PIK3CD: variants seen among roughly 807,000 people sequenced by gnomAD.
The protein encoded by PIK3CD is phosphatidylinositol-4,5-bisphosphate 3-kinase catalytic subunit delta, also known as phosphatidylinositol 4,5-bisphosphate 3-kinase catalytic subunit delta isoform.
In PIK3CD, 20 loss-of-function variants were observed where a neutral mutation model predicts 122.9. The observed-to-expected ratio is 0.16, with a 90% CI of 0.11 to 0.24. PIK3CD has a LOEUF of 0.24. Among genes scored for constraint, PIK3CD ranks in the 10% least tolerant of loss-of-function variants. The pLI is 1.00. For synonymous variants in PIK3CD, 596 were observed against 593.4 expected, an observed-to-expected ratio of 1.00 and a Z score of -0.06; for missense variants, 787 against 1,406.3, an observed-to-expected ratio of 0.56 and a Z score of 7.04.
intron 1 of PIK3CD, among the ~76,000 whole-genome samples, chr1:9,658,712 TAG>T (rs1164850923): frequency 6.6e-6 from 1 of 152,004 alleles, no homozygotes; most frequent in African/African-American, 2.4e-5. Context: ...GTATTTTTAG[TAG>T]AGACAGGGTT....
intron 1 of PIK3CD, among the ~76,000 whole-genome samples, chr1:9,682,991 G>C (rs536220894): frequency 1.3e-5 from 2 of 151,674 alleles, no homozygotes; most frequent in Non-Finnish European, 2.9e-5. Context: ...CCAGTGCCAT[G>C]GTGGGACGTG....
chr1:9,705,329 A>G (rs1339969738), intron 2 of PIK3CD, among the ~76,000 whole-genome samples: 2 of 150,646 alleles, frequency 1.3e-5, no homozygotes, highest in African/African-American at 4.9e-5. Context: ...ATACCAAAAA[A>G]AAAAAAAAAA....
In PIK3CD at chr1:9,710,666, C is replaced by T. The variant is rs1647012416; in HGVS notation, c.141+70C>T. On this transcript the variant is annotated intron_variant, in intron 3 of 23. Coordinates refer to ENST00000377346, the MANE Select transcript of PIK3CD (RefSeq NM_005026.5). The surrounding 1 kb of genome is among the most constrained non-coding windows in gnomAD (Gnocchi z 4.7). ...AGAGAGAGAGAGAGACACAGATAGACAGACAGACAGACAGACAGATGGACA... is the reference window on the plus strand; with the variant it reads ...AGAGAGAGAGAGAGACACAGATAGATAGACAGACAGACAGACAGATGGACA... 12 of 1,304,056 alleles carry T rather than the reference C, an allele frequency of 9.2e-6. No homozygotes were observed. Among genetic ancestry groups the T allele is most frequent in the Non-Finnish European group, 8.4e-6 (8 of 949,086 alleles). 80.8% of individuals were successfully genotyped at this position (1,304,056 alleles called of 1,614,324 possible). A position where few individuals can be genotyped will look rare whatever the true frequency, so the allele number is the denominator to read the frequency against.
intron 3 of PIK3CD, among the ~76,000 whole-genome samples, chr1:9,713,331 AC>A (rs1647131343): frequency 6.6e-6 from 1 of 152,154 alleles, no homozygotes; most frequent in African/African-American, 2.4e-5. Context: ...ACAGAGTGAA[AC>A]CCCGTCTGTA....
rs1183396054 is a variant in PIK3CD, at chr1:9,715,096, G to C, written c.142-445G>C. 1.3e-5 allele frequency among the ~76,000 whole-genome samples: 2 copies of C among 152,186 alleles called. No individual in the cohort carries two copies. Among genetic ancestry groups the C allele is most frequent in the Non-Finnish European group, 2.9e-5 (2 of 68,032 alleles). On this transcript the variant is annotated intron_variant, in intron 3 of 23. Coordinates refer to ENST00000377346, the MANE Select transcript of PIK3CD (RefSeq NM_005026.5). This position sits in a 1 kb window ranked among gnomAD's most constrained non-coding sequence, Gnocchi z 4.1. ...GGAGGCTGAGGCAAGAGAATCACTT[G>C]AACCTGGGAAGCAGAGGTTGCAGTG...
Position 9,710,468 on chromosome 1 carries a change from G to T in PIK3CD, c.13G>T (p.Val5Leu). MPPG[V>L]DCPMEFWTKE... Reference sequence around the variant, plus strand: ...GTAACAACGCAGGATGCCCCCTGGGGTGGACTGCCCCATGGAATTCTGGAC... The same window carrying T: ...GTAACAACGCAGGATGCCCCCTGGGTTGGACTGCCCCATGGAATTCTGGAC... Residue 5 changes from valine (V) to leucine (L), a missense_variant, in exon 3 of 24, where the codon GTG becomes TTG. Physicochemically the swap from Val to Leu is conservative, Grantham distance 32. Around this residue, in one of 6 missense-constraint regions of PIK3CD, gnomAD observed 592 missense variants for 920.6 expected, o/e 0.64. Transcript: ENST00000377346. This position sits in a 1 kb window ranked among gnomAD's most constrained non-coding sequence, Gnocchi z 4.7. 6.2e-7 allele frequency: 1 copy of T among 1,614,154 alleles called. No individual in the cohort carries two copies. The highest frequency in any genetic ancestry group is 8.5e-7 in the Non-Finnish European group (1 of 1,180,028).
chr1:9,653,209 C>T (rs1306647489), intron 1 of PIK3CD: 1 of 157,168 alleles, frequency 6.4e-6, no homozygotes, highest in Non-Finnish European at 1.4e-5. Context: ...CTGCTCTCTT[C>T]CAGGAGAGTG....
rs1259873382 is a variant in PIK3CD at position 9,652,147 on chromosome 1, G to T, written c.-138+345G>T. Among the ~76,000 whole-genome samples, 2 of 152,148 alleles carry T rather than the reference G, an allele frequency of 1.3e-5. No individual in the cohort carries two copies. Among genetic ancestry groups the T allele is most frequent in the African/African-American group, 2.4e-5 (1 of 41,444 alleles). The stretch of plus-strand genomic sequence containing the variant: ...GGTTTCAGCTGCGCTCACAGCGGCG[G>T]TGCGGCCTCCGGTGCGCCGGCTGAG... On this transcript the variant is annotated intron_variant, in intron 1 of 23. Transcript: ENST00000377346. The surrounding 1 kb of genome is among the most constrained non-coding windows in gnomAD (Gnocchi z 6.2).
At chr1:9,714,355 G>A (rs952551020) in intron 3 of PIK3CD, among the ~76,000 whole-genome samples, 2 of 152,258 alleles carry the variant, frequency 1.3e-5, no homozygotes, top group Non-Finnish European at 1.5e-5. Context: ...ATTCAGTCCC[G>A]CCACCATAGG....
chr1:9,644,525 A>T, the PIK3CD span, among the ~76,000 whole-genome samples: 1 of 147,460 alleles, frequency 6.8e-6, no homozygotes, highest in Non-Finnish European at 1.5e-5. Context: ...TCAAATAAAT[A>T]AATAAATAAA....
the PIK3CD span, among the ~76,000 whole-genome samples, chr1:9,631,912 G>C: frequency 3.9e-5 from 6 of 152,064 alleles, no homozygotes; most frequent in Non-Finnish European, 5.9e-5. Flanking sequence ...TTAAACTGTT[G>C]CATCCAGGGC....
At chr1:9,630,703 A>AGT in the PIK3CD span, among the ~76,000 whole-genome samples, 2 of 96,948 alleles carry the variant, frequency 2.1e-5, no homozygotes, top group East Asian at 5.2e-4. Flanking sequence ...TAGCAAAGAA[A>AGT]GTGAGTGTGT....
rs1418862546 is a variant in PIK3CD, at chr1:9,723,517, A to G, written c.2594+225A>G. Among the ~76,000 whole-genome samples, 1 of 152,062 alleles carries G rather than the reference A, an allele frequency of 6.6e-6. No homozygotes were observed. Among genetic ancestry groups the G allele is most frequent in the Non-Finnish European group, 1.5e-5 (1 of 67,918 alleles). On this transcript the variant is annotated intron_variant, in intron 20 of 23. Coordinates refer to ENST00000377346, the MANE Select transcript of PIK3CD (RefSeq NM_005026.5). This position sits in a 1 kb window ranked among gnomAD's most constrained non-coding sequence, Gnocchi z 4.9. ...AACACCATCCAAAGCGCAGGGCTTTAAAAAACAGCCATTTACGATTGGCTC... is the reference window on the plus strand; with the variant it reads ...AACACCATCCAAAGCGCAGGGCTTTGAAAAACAGCCATTTACGATTGGCTC...
At chr1:9,667,739 CTT>C (rs367559680) in intron 1 of PIK3CD, among the ~76,000 whole-genome samples, 69 of 136,856 alleles carry the variant, frequency 5.0e-4, no homozygotes, top group Admixed American at 5.9e-4. Flanking sequence ...TTTTCTTTTT[CTT>C]TTTTTTTTTT....
chr1:9,688,428 C>G (rs574200822), intron 1 of PIK3CD: 8 of 152,402 alleles, frequency 5.2e-5, no homozygotes, highest in African/African-American at 1.9e-4. Context: ...TAGCTCTGCC[C>G]AAGAGGCTGT....
chr1:9,692,145 A>G (rs1646218042), intron 2 of PIK3CD, among the ~76,000 whole-genome samples: 1 of 152,092 alleles, frequency 6.6e-6, no homozygotes, highest in Non-Finnish European at 1.5e-5. Context: ...CACTGGCTGG[A>G]CGTTGGCTAC....
upstream of PIK3CD, among the ~76,000 whole-genome samples, chr1:9,647,481 A>AATT (rs61118085): frequency 0.29 from 40,337 of 139,166 alleles, 6,090 homozygotes; most frequent in East Asian, 0.48. Context: ...TCATGATTCT[A>AATT]ATTATTATTA....
Position 9,718,983 on chromosome 1 carries a change from C to A in PIK3CD, c.1242+68C>A. The A allele has an allele frequency of 1.4e-6, 2 of 1,425,420 alleles. No individual in the cohort carries two copies. Among genetic ancestry groups the A allele is most frequent in the Non-Finnish European group, 2.0e-6 (2 of 1,025,082 alleles). 88.3% of individuals were successfully genotyped at this position (1,425,420 alleles called of 1,614,324 possible). ...GCCAGTACAGCCCCTTGCTGGGCCA[C>A]TCACCACTCTCCTCCCGGCAAGCAC... On this transcript the variant is annotated intron_variant, in intron 9 of 23. Coordinates refer to ENST00000377346, the MANE Select transcript of PIK3CD (RefSeq NM_005026.5). This position sits in a 1 kb window ranked among gnomAD's most constrained non-coding sequence, Gnocchi z 7.2.
intron 1 of PIK3CD, among the ~76,000 whole-genome samples, chr1:9,672,094 C>T (rs1645347432): frequency 6.6e-6 from 1 of 152,178 alleles, no homozygotes; most frequent in Non-Finnish European, 1.5e-5. Context: ...TCCAACTTTC[C>T]CACCATCCCT....
Sources: allele counts gnomAD v4.1 joint callset (sites outside exome capture counted in the v4.1 genomes callset), GRCh38; gene constraint gnomAD v4.1.1; regional missense constraint gnomAD v4.1.1; non-coding constraint Gnocchi (gnomAD v3.1); transcripts MANE v1.5; gene names NCBI Gene and HGNC (gene_info 2026-07-23, HGNC 2026-07-21).